SPON1: variants seen among roughly 807,000 people sequenced by gnomAD.
SPON1 encodes the protein spondin-1.
In SPON1, 52 loss-of-function variants were observed where a neutral mutation model predicts 111.7. The observed-to-expected ratio is 0.47, with a 90% CI of 0.37 to 0.59. The LOEUF (loss-of-function observed/expected upper bound fraction) is 0.59, where lower values mean the gene tolerates loss of function less well. Ranked by LOEUF, SPON1 falls within the 20% of genes least tolerant of loss-of-function variation. SPON1 has a pLI of 0.00. For missense variants in SPON1, 957 were observed against 1,068.5 expected (o/e 0.90, Z 1.46); for synonymous variants, 410 against 395.8 (o/e 1.04, Z -0.43).
intron 2 of SPON1, among the ~76,000 whole-genome samples, chr11:13,990,533 A>C (rs1404441307): frequency 1.3e-5 from 2 of 151,518 alleles, no homozygotes; most frequent in African/African-American, 4.9e-5. Flanking sequence ...CCAATTTGTC[A>C]GTCTGTGTCT....
chr11:14,040,630 T>C (rs1303748724), intron 2 of SPON1, among the ~76,000 whole-genome samples: 7 of 152,118 alleles, frequency 4.6e-5, no homozygotes, highest in African/African-American at 1.7e-4. Flanking sequence ...GTAAAATAAA[T>C]ACAATATAGG....
intron 6 of SPON1, among the ~76,000 whole-genome samples, chr11:14,205,230 T>A (rs1848505425): frequency 1.3e-5 from 2 of 152,232 alleles, no homozygotes; most frequent in Non-Finnish European, 2.9e-5. Context: ...ATATTCCCAC[T>A]GCATTTGTGC....
At chr11:14,012,809 T>A (rs1483561486) in intron 2 of SPON1, among the ~76,000 whole-genome samples, 3 of 152,100 alleles carry the variant, frequency 2.0e-5, no homozygotes, top group African/African-American at 7.2e-5. Context: ...GTTTTAATCA[T>A]CTTGGACTCC....
intron 2 of SPON1, among the ~76,000 whole-genome samples, chr11:13,996,539 C>T (rs1371640294): frequency 2.0e-5 from 3 of 152,192 alleles, no homozygotes; most frequent in Non-Finnish European, 4.4e-5. Flanking sequence ...AAGCATCACT[C>T]CTCTCAACAG....
At chr11:14,174,309 G>A (rs1554932867) in intron 6 of SPON1, among the ~76,000 whole-genome samples, 1 of 152,158 alleles carries the variant, frequency 6.6e-6, no homozygotes, top group East Asian at 1.9e-4. Flanking sequence ...TTGTCTTCCA[G>A]GTGGCCACGA....
At chr11:14,265,259 T>C (rs1849251236) in intron 15 of SPON1, among the ~76,000 whole-genome samples, 1 of 152,190 alleles carries the variant, frequency 6.6e-6, no homozygotes, top group African/African-American at 2.4e-5. Flanking sequence ...CCATTGGCCA[T>C]GGCAAATCAT....
rs1849204139 is a variant in SPON1, at chr11:14,262,879, C to T, written c.2164C>T (p.Arg722Ter). 3.1e-6 allele frequency: 5 copies of T among 1,613,718 alleles called. No individual in the cohort carries two copies. Among genetic ancestry groups the T allele is most frequent in the Non-Finnish European group, 4.2e-6 (5 of 1,179,870 alleles). ...RKKCRIRKCL[R>*]NPSIQKLRWR... is the part of the protein sequence containing the mutation. The stretch of plus-strand genomic sequence containing the variant: ...AAAGTGCCGCATCCGAAAATGCCTT[C>T]GAAATCCATCCATCCAAAAGCTACG... Residue 722 changes from arginine (R) to a stop codon, truncating the protein, a stop_gained, in exon 15 of 16, where the codon CGA (arginine) becomes TGA (stop). Transcript: ENST00000576479. LOFTEE classifies it high-confidence loss of function.
At chr11:14,077,089 C>T (rs1848923693) in intron 4 of SPON1, among the ~76,000 whole-genome samples, 1 of 152,198 alleles carries the variant, frequency 6.6e-6, no homozygotes. Context: ...ATTTCCAAGA[C>T]ACCTCTTGTA....
At chr11:14,129,615 G>T (rs575307991) in intron 5 of SPON1, among the ~76,000 whole-genome samples, 1 of 152,110 alleles carries the variant, frequency 6.6e-6, no homozygotes, top group African/African-American at 2.4e-5. Context: ...CCTCCAAACT[G>T]CTCCAACCTC....
intron 2 of SPON1, among the ~76,000 whole-genome samples, chr11:14,030,978 G>A (rs1317081849): frequency 2.6e-5 from 4 of 152,194 alleles, no homozygotes; most frequent in African/African-American, 9.7e-5. Flanking sequence ...GTGGTGAACT[G>A]GATAAAGAAA....
chr11:14,240,916 A>C (rs1848918916), intron 6 of SPON1, among the ~76,000 whole-genome samples: 1 of 152,232 alleles, frequency 6.6e-6, no homozygotes, highest in East Asian at 1.9e-4. Flanking sequence ...AAATCAAAAA[A>C]GAGAGCTAAG....
At chr11:13,990,175 G>T (rs1848216636) in intron 2 of SPON1, among the ~76,000 whole-genome samples, 1 of 152,008 alleles carries the variant, frequency 6.6e-6, no homozygotes, top group African/African-American at 2.4e-5. Context: ...TACTGTGTGG[G>T]AGTCTAAGTC....
rs189030867 is a variant in SPON1, at chr11:14,167,221, G to T, written c.825+31653G>T. On this transcript the variant is annotated intron_variant, in intron 6 of 15. Transcript: ENST00000576479. ...CCAAATAAGCCAAATGTCATTACTG[G>T]ACTTTAGAGGACCTAACATCTAAAA... 3.6e-3 allele frequency among the ~76,000 whole-genome samples: 543 copies of T among 152,048 alleles called. 5 individuals carry two copies. Among genetic ancestry groups the T allele is most frequent in the Admixed American group, 0.023 (350 of 15,262 alleles).
chr11:14,239,065 A>T (rs1848896543), intron 6 of SPON1, among the ~76,000 whole-genome samples: 1 of 152,168 alleles, frequency 6.6e-6, no homozygotes, highest in Non-Finnish European at 1.5e-5. Flanking sequence ...TCAGAATGTG[A>T]AATGCCCAGG....
intron 6 of SPON1, among the ~76,000 whole-genome samples, chr11:14,182,704 A>G (rs1848247135): frequency 6.6e-6 from 1 of 152,196 alleles, no homozygotes. Flanking sequence ...TTCTTATTTG[A>G]CGGTCCATAA....
chr11:14,065,694 T>C (rs782440421), intron 3 of SPON1, among the ~76,000 whole-genome samples: 5 of 152,224 alleles, frequency 3.3e-5, no homozygotes, highest in Non-Finnish European at 7.3e-5. Context: ...TCTACTGTCA[T>C]ATATTTCAGA....
intron 6 of SPON1, among the ~76,000 whole-genome samples, chr11:14,219,681 T>C (rs1454748571): frequency 2.0e-5 from 3 of 152,178 alleles, no homozygotes; most frequent in Non-Finnish European, 4.4e-5. Context: ...GTCGGGGTCT[T>C]CTGTGCAGTC....
intron 3 of SPON1, among the ~76,000 whole-genome samples, chr11:14,054,808 C>A (rs545844429): frequency 5.3e-5 from 8 of 152,312 alleles, no homozygotes; most frequent in African/African-American, 1.9e-4. Context: ...GAACAGCAGC[C>A]AGGATCTCCC....
intron 6 of SPON1, among the ~76,000 whole-genome samples, chr11:14,187,630 T>A (rs1320707789): frequency 6.6e-6 from 1 of 152,180 alleles, no homozygotes; most frequent in Admixed American, 6.5e-5. Context: ...GTTGTTGTTT[T>A]TTGAGTCAGA....
Sources: gnomAD v4.1 joint callset for allele counts (sites outside exome capture counted in the v4.1 genomes callset) on GRCh38, gnomAD v4.1.1 for gene constraint, MANE v1.5 for transcripts, NCBI Gene and HGNC (gene_info 2026-07-23, HGNC 2026-07-21) for gene names.